ZBTB20: variants seen among roughly 807,000 people sequenced by gnomAD.
The protein encoded by ZBTB20 is zinc finger and BTB domain containing 20.
ZBTB20 carries 9 observed loss-of-function variants against 56.9 expected under a neutral mutation model. The observed-to-expected ratio is 0.16, with a 90% confidence interval of 0.10 to 0.28. The LOEUF (loss-of-function observed/expected upper bound fraction) is 0.28, where lower values mean the gene tolerates loss of function less well. Among genes scored for constraint, ZBTB20 ranks in the 10% least tolerant of loss-of-function variants. ZBTB20 has a pLI of 1.00. For missense variants in ZBTB20, 655 were observed against 1,003.0 expected (o/e 0.65, Z 4.69); for synonymous variants, 417 against 420.7 (o/e 0.99, Z 0.11).
intron 7 of ZBTB20, among the ~76,000 whole-genome samples, chr3:114,411,636 A>G (rs1173243623): frequency 6.6e-6 from 1 of 152,102 alleles, no homozygotes; most frequent in South Asian, 2.1e-4. Flanking sequence ...TGGATCAGGG[A>G]GCTGAAATAC....
In ZBTB20 at chr3:114,789,000, C is replaced by A. The variant is rs77765811; in HGVS notation, c.-343+12101G>T. ...ACCGCCCCTGTGATTCAAGTACCTC[C>A]CACTGGGTGCCTCACACAACACACG... On this transcript the variant is annotated intron_variant, in intron 5 of 11. Coordinates refer to ENST00000675478, the MANE Select transcript of ZBTB20 (RefSeq NM_001348800.3). 6.8e-3 allele frequency among the ~76,000 whole-genome samples: 1,042 copies of A among 152,182 alleles called. 11 individuals are homozygous for A. Among genetic ancestry groups the A allele is most frequent in the African/African-American group, 0.023 (956 of 41,506 alleles).
intron 3 of ZBTB20, among the ~76,000 whole-genome samples, chr3:114,922,676 A>G (rs2076004887): frequency 6.6e-6 from 1 of 152,202 alleles, no homozygotes; most frequent in Admixed American, 6.5e-5. Context: ...GCTCCTGGTG[A>G]GAGCTCAGGC....
At chr3:114,684,225 T>C (rs2062174829) in intron 6 of ZBTB20, among the ~76,000 whole-genome samples, 2 of 152,216 alleles carry the variant, frequency 1.3e-5, no homozygotes, top group Admixed American at 6.6e-5. Context: ...AGGAGTCTAA[T>C]ATGTATTCAT....
chr3:114,703,712 A>G (rs1320797358), intron 5 of ZBTB20, among the ~76,000 whole-genome samples: 5 of 152,232 alleles, frequency 3.3e-5, no homozygotes, highest in Admixed American at 6.5e-5. Flanking sequence ...TACTCACACA[A>G]CACACTCACT....
chr3:114,366,554 A>C (rs1245621646), intron 10 of ZBTB20: 2 of 152,246 alleles, frequency 1.3e-5, no homozygotes, highest in African/African-American at 2.4e-5. Flanking sequence ...ATCATGACTC[A>C]GTAAGTTATT....
intron 2 of ZBTB20, among the ~76,000 whole-genome samples, chr3:114,991,136 G>A (rs1032725448): frequency 1.3e-5 from 2 of 151,942 alleles, no homozygotes; most frequent in Non-Finnish European, 2.9e-5. Flanking sequence ...GTGATTTCTT[G>A]CCTTCTGCTA....
At chr3:114,716,422 A>G (rs1166188562) in intron 5 of ZBTB20, among the ~76,000 whole-genome samples, 2 of 152,126 alleles carry the variant, frequency 1.3e-5, no homozygotes, top group Non-Finnish European at 2.9e-5. Flanking sequence ...GTGTGCGTAG[A>G]CTCACAGACA....
chr3:114,931,237 C>CCT (rs2076349517), intron 3 of ZBTB20: 2 of 188,824 alleles, frequency 1.1e-5, no homozygotes, highest in South Asian at 2.5e-4. Context: ...CCTCAGGGAA[C>CCT]CTCATCGCCA....
At chr3:114,415,727 C>T (rs1041948695) in intron 7 of ZBTB20, among the ~76,000 whole-genome samples, 3 of 151,982 alleles carry the variant, frequency 2.0e-5, no homozygotes. Flanking sequence ...CAAGAGAGAG[C>T]ACGGGGCTTG....
At chr3:114,672,710 G>A (rs940926868) in intron 6 of ZBTB20, among the ~76,000 whole-genome samples, 1 of 152,112 alleles carries the variant, frequency 6.6e-6, no homozygotes, top group African/African-American at 2.4e-5. Flanking sequence ...GCGCTGTAGC[G>A]TAATTAAAAG....
chr3:114,760,078 T>C (rs1464299330), intron 5 of ZBTB20, among the ~76,000 whole-genome samples: 2 of 152,188 alleles, frequency 1.3e-5, no homozygotes, highest in Non-Finnish European at 2.9e-5. Flanking sequence ...AAGAAACATA[T>C]TAATATGTTC....
intron 2 of ZBTB20, among the ~76,000 whole-genome samples, chr3:115,029,076 C>A (rs568905120): frequency 4.6e-5 from 7 of 151,002 alleles, no homozygotes; most frequent in African/African-American, 1.7e-4. Flanking sequence ...CACACATACA[C>A]ACACACACAC....
At chr3:114,653,187 A>G (rs938343650) in intron 6 of ZBTB20, among the ~76,000 whole-genome samples, 6 of 151,994 alleles carry the variant, frequency 3.9e-5, no homozygotes, top group African/African-American at 1.4e-4. Flanking sequence ...CAGAAGTAGT[A>G]AGAATATATA....
At chr3:114,727,536 A>G (rs1256951341) in intron 5 of ZBTB20, among the ~76,000 whole-genome samples, 1 of 152,186 alleles carries the variant, frequency 6.6e-6, no homozygotes, top group Non-Finnish European at 1.5e-5. Flanking sequence ...ACAAACTTCC[A>G]CTATGTGGTA....
intron 6 of ZBTB20, among the ~76,000 whole-genome samples, chr3:114,521,801 C>T (rs2109937261): frequency 6.6e-6 from 1 of 152,278 alleles, no homozygotes; most frequent in South Asian, 2.1e-4. Flanking sequence ...GCATAAAGCA[C>T]TCTTACTTTC....
chr3:114,973,660 A>T (rs1235884264), intron 3 of ZBTB20, among the ~76,000 whole-genome samples: 2 of 152,138 alleles, frequency 1.3e-5, no homozygotes, highest in Non-Finnish European at 2.9e-5. Flanking sequence ...GTTGGATCGC[A>T]CCACCCCATC....
At chr3:114,616,223 T>C (rs1195739738) in intron 6 of ZBTB20, among the ~76,000 whole-genome samples, 1 of 152,166 alleles carries the variant, frequency 6.6e-6, no homozygotes, top group African/African-American at 2.4e-5. Flanking sequence ...CTTGAACCCA[T>C]GCTAACACTG....
intron 7 of ZBTB20, among the ~76,000 whole-genome samples, chr3:114,452,750 G>GA (rs67537584): frequency 1.3e-5 from 2 of 151,542 alleles, no homozygotes; most frequent in African/African-American, 2.4e-5. Flanking sequence ...TCAGTTAATA[G>GA]AAAAAAAAAG....
chr3:114,851,726 T>G (rs568341282), intron 4 of ZBTB20, among the ~76,000 whole-genome samples: 1 of 152,228 alleles, frequency 6.6e-6, no homozygotes, highest in African/African-American at 2.4e-5. Flanking sequence ...TTGTTTTTTG[T>G]TCTTTTAACC....
Sources: gnomAD v4.1 joint callset for allele counts (sites outside exome capture counted in the v4.1 genomes callset) on GRCh38, gnomAD v4.1.1 for gene constraint, MANE v1.5 for transcripts, NCBI Gene and HGNC (gene_info 2026-07-23, HGNC 2026-07-21) for gene names.